The following TMEM132B variants were observed in gnomAD, a reference collection of about 807,000 sequenced individuals.
The protein encoded by TMEM132B is transmembrane protein 132B.
TMEM132B carries 18 observed loss-of-function variants against 90.8 expected under a neutral mutation model. That is an observed-to-expected ratio of 0.20 (90% confidence interval 0.14 to 0.29). TMEM132B has a LOEUF of 0.29. TMEM132B is among the 10% of genes least tolerant of loss of function. The pLI is 1.00. For missense variants in TMEM132B, 1,096 were observed against 1,326.8 expected (o/e 0.83, Z 2.70); for synonymous variants, 504 against 523.3 (o/e 0.96, Z 0.50).
chr12:125,240,371 C>G (rs1350079653), intron 1 of TMEM132B, among the ~76,000 whole-genome samples: 1 of 152,162 alleles, frequency 6.6e-6, no homozygotes, highest in Non-Finnish European at 1.5e-5. Context: ...TCCCAGCTAC[C>G]TACTTCCTTT....
chr12:125,386,346 G>A (rs1391328693), intron 2 of TMEM132B, among the ~76,000 whole-genome samples: 4 of 152,196 alleles, frequency 2.6e-5, no homozygotes, highest in Admixed American at 2.6e-4. Context: ...AGGGAAGTAA[G>A]GTCAGATGGC....
chr12:125,254,186 A>G (rs1032582299), intron 1 of TMEM132B, among the ~76,000 whole-genome samples: 4 of 152,074 alleles, frequency 2.6e-5, no homozygotes, highest in Non-Finnish European at 1.5e-5. Context: ...CTATTCAGAA[A>G]GCTGAGGTGG....
chr12:125,559,165 A>C (rs1436117394), intron 4 of TMEM132B, among the ~76,000 whole-genome samples: 1 of 152,198 alleles, frequency 6.6e-6, no homozygotes, highest in East Asian at 1.9e-4. Context: ...CAGGAGCTTA[A>C]GACCAGCCTG....
At chr12:125,397,239 G>A (rs537158964) in intron 2 of TMEM132B, among the ~76,000 whole-genome samples, 79 of 152,242 alleles carry the variant, frequency 5.2e-4, no homozygotes, top group African/African-American at 1.9e-3. Context: ...CAGAAGTGCT[G>A]GGATTAGAGA....
At chr12:125,479,072 G>C (rs1420611551) in intron 3 of TMEM132B, among the ~76,000 whole-genome samples, 1 of 152,180 alleles carries the variant, frequency 6.6e-6, no homozygotes, top group Non-Finnish European at 1.5e-5. Flanking sequence ...GAGAGATTTT[G>C]TCACCACCAG....
intron 1 of TMEM132B, among the ~76,000 whole-genome samples, chr12:125,336,614 G>A (rs1876969372): frequency 2.0e-5 from 3 of 152,198 alleles, no homozygotes; most frequent in South Asian, 2.1e-4. Context: ...TGAGAAGTCC[G>A]CAGAGGCACC....
At chr12:125,558,690 G>A (rs1029762004) in intron 4 of TMEM132B, among the ~76,000 whole-genome samples, 3 of 152,142 alleles carry the variant, frequency 2.0e-5, no homozygotes, top group African/African-American at 4.8e-5. Context: ...GAACATCAGC[G>A]TTAGAAACAA....
chr12:125,283,829 A>G (rs111841414), intron 1 of TMEM132B, among the ~76,000 whole-genome samples: 4 of 152,206 alleles, frequency 2.6e-5, no homozygotes. Context: ...TAGGAGTTTC[A>G]GTAGTGTTTG....
chr12:125,606,596 A>C (rs1279585008), intron 5 of TMEM132B, among the ~76,000 whole-genome samples: 1 of 152,218 alleles, frequency 6.6e-6, no homozygotes, highest in Non-Finnish European at 1.5e-5. Context: ...TAGTGTGTGC[A>C]TCTGTGCACA....
At chr12:125,592,550 A>G (rs1593010480) in intron 5 of TMEM132B, among the ~76,000 whole-genome samples, 2 of 152,132 alleles carry the variant, frequency 1.3e-5, no homozygotes, top group Non-Finnish European at 1.5e-5. Flanking sequence ...AAAAAAAACT[A>G]AAGTTTTTGC....
chr12:125,487,813 A>T (rs1882240904), intron 3 of TMEM132B, among the ~76,000 whole-genome samples: 1 of 152,210 alleles, frequency 6.6e-6, no homozygotes, highest in Admixed American at 6.5e-5. Context: ...GCTGTCATCA[A>T]AATGCTTTTC....
chr12:125,647,357 A>C (rs1255474306), intron 6 of TMEM132B, among the ~76,000 whole-genome samples: 8 of 152,242 alleles, frequency 5.3e-5, no homozygotes. Context: ...CATAGTTTCA[A>C]AAAGCTTGGG....
intron 3 of TMEM132B, among the ~76,000 whole-genome samples, chr12:125,487,061 C>T (rs942934030): frequency 2.0e-5 from 3 of 152,276 alleles, no homozygotes; most frequent in Admixed American, 1.3e-4. Flanking sequence ...TGCTTGAGAA[C>T]AGAAGGTCTC....
At chr12:125,224,748 C>T (rs1873638596) in intron 1 of TMEM132B, among the ~76,000 whole-genome samples, 1 of 152,230 alleles carries the variant, frequency 6.6e-6, no homozygotes, top group Admixed American at 6.5e-5. Flanking sequence ...TTCTTCCTCT[C>T]CCTTCCCTGG....
At chr12:125,310,576 A>G (rs1876099053) in intron 1 of TMEM132B, among the ~76,000 whole-genome samples, 1 of 150,982 alleles carries the variant, frequency 6.6e-6, no homozygotes, top group Non-Finnish European at 1.5e-5. Flanking sequence ...CTACCTAACC[A>G]CTCCCTACCC....
intron 2 of TMEM132B, among the ~76,000 whole-genome samples, chr12:125,353,043 C>T (rs948971626): frequency 2.0e-5 from 3 of 152,252 alleles, no homozygotes; most frequent in Admixed American, 6.5e-5. Flanking sequence ...TCCAACCCCA[C>T]AGAGATTCTT....
intron 3 of TMEM132B, among the ~76,000 whole-genome samples, chr12:125,455,287 A>G (rs907877103): frequency 3.9e-5 from 6 of 152,192 alleles, no homozygotes; most frequent in African/African-American, 1.4e-4. Flanking sequence ...GGTGAATGCT[A>G]TCTTGGGAAC....
At chr12:125,561,713 T>G (rs1884537747) in intron 4 of TMEM132B, among the ~76,000 whole-genome samples, 1 of 152,134 alleles carries the variant, frequency 6.6e-6, no homozygotes, top group Non-Finnish European at 1.5e-5. Flanking sequence ...ATCTTTTTTT[T>G]TTTTTCCTGA....
intron 5 of TMEM132B, among the ~76,000 whole-genome samples, chr12:125,606,781 G>C (rs76730216): frequency 6.6e-5 from 10 of 152,314 alleles, no homozygotes; most frequent in African/African-American, 2.4e-4. Flanking sequence ...ACTGAGCCCA[G>C]AGCAGCACTG....
Sources: allele counts gnomAD v4.1 joint callset (sites outside exome capture counted in the v4.1 genomes callset), GRCh38; gene constraint gnomAD v4.1.1; transcripts MANE v1.5; gene names NCBI Gene and HGNC (gene_info 2026-07-23, HGNC 2026-07-21).